The following CSGALNACT1 variants were observed in gnomAD, a reference collection of about 807,000 sequenced individuals.
The protein encoded by CSGALNACT1 is beta4GalNAcT-1.
In CSGALNACT1, 52 loss-of-function variants were observed where a neutral mutation model predicts 51.0. That is an observed-to-expected ratio of 1.02 (90% CI 0.82 to 1.29). The LOEUF is 1.29. Among genes scored for constraint, CSGALNACT1 ranks in the 50% most tolerant of loss-of-function variants. The probability of loss-of-function intolerance (pLI) is 0.00; values close to 1 mark genes in which losing one functional copy is unlikely to be tolerated. For missense variants in CSGALNACT1, 935 were observed against 679.2 expected (o/e 1.38, Z -4.19); for synonymous variants, 341 against 254.4 (o/e 1.34, Z -3.24).
chr8:19,569,301 T>C (rs531252307), intron 3 of CSGALNACT1, among the ~76,000 whole-genome samples: 115 of 152,326 alleles, frequency 7.5e-4, no homozygotes, highest in South Asian at 2.9e-3. Context: ...TGAGAGGCTA[T>C]TGATCATGGC....
At chr8:19,729,729 G>A (rs999001680) in intron 1 of CSGALNACT1, among the ~76,000 whole-genome samples, 20 of 152,268 alleles carry the variant, frequency 1.3e-4, no homozygotes, top group Non-Finnish European at 5.9e-5. Flanking sequence ...AATGCCACAA[G>A]AATGCCCTTC....
chr8:19,454,269 C>G (rs926925451), intron 5 of CSGALNACT1, among the ~76,000 whole-genome samples: 6 of 152,208 alleles, frequency 3.9e-5, no homozygotes, highest in African/African-American at 1.4e-4. Context: ...GAATGGAAAG[C>G]TATTGGAAGA....
intron 8 of CSGALNACT1, among the ~76,000 whole-genome samples, chr8:19,409,153 C>T (rs1198851846): frequency 6.6e-6 from 1 of 152,176 alleles, no homozygotes; most frequent in African/African-American, 2.4e-5. Flanking sequence ...GAGAACAACT[C>T]AGAATTCAGC....
At chr8:19,658,075 A>C (rs984560220) in intron 1 of CSGALNACT1, among the ~76,000 whole-genome samples, 3 of 151,362 alleles carry the variant, frequency 2.0e-5, no homozygotes, top group Non-Finnish European at 4.4e-5. Context: ...AAAAAAAAAA[A>C]AAAAAAAAAG....
exon 4 of CSGALNACT1, chr8:19,505,334 G>C (rs539310161): frequency 6.2e-7 from 1 of 1,614,158 alleles, no homozygotes; most frequent in South Asian, 1.1e-5. Flanking sequence ...GCTTCTCCTC[G>C]GGGTGGCGGG....
intron 1 of CSGALNACT1, among the ~76,000 whole-genome samples, chr8:19,666,809 A>AAGAGAGAGAGAGAG (rs375633259): frequency 8.0e-5 from 2 of 25,064 alleles, no homozygotes; most frequent in African/African-American, 2.5e-4. Flanking sequence ...GAAAGAAAGA[A>AAGAGAGAGAGAGAG]AGAGAGAGAG....
rs79246777 is a variant in CSGALNACT1 at position 19,613,065 on chromosome 8, T to C, written c.-543-11200A>G. On this transcript the variant is annotated intron_variant, in intron 1 of 9. Transcript: ENST00000332246. ...CCATATTTTGGGGTTTTCACTGAAT[T>C]GAAAATTCTTTCCAGAAAAACACTT... Among the ~76,000 whole-genome samples, 715 of 150,932 alleles carry C rather than the reference T, an allele frequency of 4.7e-3. 22 individuals carry two copies. In the East Asian group the frequency reaches 0.099, roughly 21 times the overall value.
At chr8:19,687,838 A>C (rs1492644) in intron 1 of CSGALNACT1, among the ~76,000 whole-genome samples, 135,719 of 152,210 alleles carry the variant, frequency 0.89, 60,757 homozygotes, top group African/African-American at 0.97. Context: ...CACTTCCAGG[A>C]CAATTTCTTG....
intron 1 of CSGALNACT1, among the ~76,000 whole-genome samples, chr8:19,636,820 C>T (rs1238310922): frequency 1.3e-5 from 2 of 152,168 alleles, no homozygotes; most frequent in Non-Finnish European, 2.9e-5. Flanking sequence ...GATGCTTTCA[C>T]AGGTCAATCA....
chr8:19,740,628 G>T (rs1379197506), intron 1 of CSGALNACT1, among the ~76,000 whole-genome samples: 1 of 152,114 alleles, frequency 6.6e-6, no homozygotes, highest in Non-Finnish European at 1.5e-5. Context: ...TATCTTGAAG[G>T]GTTAGTCAAA....
chr8:19,663,321 A>T (rs896073265), intron 1 of CSGALNACT1, among the ~76,000 whole-genome samples: 48 of 152,146 alleles, frequency 3.2e-4, no homozygotes, highest in African/African-American at 1.1e-3. Flanking sequence ...GAAGGATACA[A>T]TACTACGAAA....
At chr8:19,502,877 G>A (rs1435441989) in intron 4 of CSGALNACT1, among the ~76,000 whole-genome samples, 1 of 152,156 alleles carries the variant, frequency 6.6e-6, no homozygotes, top group Non-Finnish European at 1.5e-5. Flanking sequence ...CCTCTCTGAA[G>A]CTAGGATCAT....
chr8:19,707,011 T>C (rs141169280), intron 1 of CSGALNACT1, among the ~76,000 whole-genome samples: 4 of 151,818 alleles, frequency 2.6e-5, no homozygotes, highest in African/African-American at 4.8e-5. Flanking sequence ...ACACTAAGGA[T>C]ATGTGAGATG....
chr8:19,662,697 C>A (rs761813779), intron 1 of CSGALNACT1, among the ~76,000 whole-genome samples: 1 of 152,170 alleles, frequency 6.6e-6, no homozygotes, highest in Admixed American at 6.5e-5. Flanking sequence ...GTAAACAAAT[C>A]TGAAAGACAT....
chr8:19,676,096 C>CA lies in CSGALNACT1; in HGVS notation c.-544+6376dup, dbSNP rs1172482716. On this transcript the variant is annotated intron_variant, in intron 1 of 9. Transcript: ENST00000332246. ...TGGTTGTCTGATTTAAAAAACAAAA[C>CA]AAAACAAAAAAAACTCCCAGATTAC... is the stretch of plus-strand genomic sequence containing the variant. Among the ~76,000 whole-genome samples the CA allele has an allele frequency of 8.9e-4, 100 of 112,412 alleles. 2 individuals carry two copies. The highest frequency in any genetic ancestry group is 9.4e-3 in the Middle Eastern group (2 of 212). The allele number at this position is 112,412 out of a possible 152,430, so 73.7% of individuals were successfully genotyped here.
At chr8:19,745,792 G>A (rs765221741) in intron 1 of CSGALNACT1, among the ~76,000 whole-genome samples, 4 of 152,156 alleles carry the variant, frequency 2.6e-5, no homozygotes, top group African/African-American at 9.7e-5. Context: ...CAGAGAAAAC[G>A]CGTATTGCAA....
At chr8:19,509,041 A>C (rs965852486) in intron 3 of CSGALNACT1, among the ~76,000 whole-genome samples, 1 of 152,238 alleles carries the variant, frequency 6.6e-6, no homozygotes, top group Non-Finnish European at 1.5e-5. Flanking sequence ...AATAGAAATA[A>C]CAAAAAGTCA....
chr8:19,466,203 A>T (rs921143974), intron 4 of CSGALNACT1, among the ~76,000 whole-genome samples: 1 of 152,250 alleles, frequency 6.6e-6, no homozygotes, highest in Non-Finnish European at 1.5e-5. Context: ...AATCTGTAAC[A>T]GGCAGAAATG....
chr8:19,488,361 T>TTATATATA (rs2073511807), intron 4 of CSGALNACT1, among the ~76,000 whole-genome samples: 1 of 89,836 alleles, frequency 1.1e-5, no homozygotes, highest in Non-Finnish European at 2.2e-5. Flanking sequence ...TTATATATAT[T>TTATATATA]TATATATACA....
Sources: gnomAD v4.1 joint callset for allele counts (sites outside exome capture counted in the v4.1 genomes callset) on GRCh38, gnomAD v4.1.1 for gene constraint, MANE v1.5 for transcripts, NCBI Gene and HGNC (gene_info 2026-07-23, HGNC 2026-07-21) for gene names.